Variants in ESRRG observed in about 807,000 individuals in gnomAD.
ESRRG encodes the protein estrogen related receptor gamma, also known as estrogen-related receptor gamma.
ESRRG carries 13 observed loss-of-function variants against 44.0 expected under a neutral mutation model. The ratio of observed to expected loss-of-function variants is 0.30; its 90% CI spans 0.19 to 0.47. The LOEUF is 0.47. Among genes scored for constraint, ESRRG ranks in the 20% least tolerant of loss-of-function variants. ESRRG has a pLI of 1.00. For missense variants in ESRRG, 395 were observed against 580.6 expected, an observed-to-expected ratio of 0.68 and a Z score of 3.29; for synonymous variants, 215 against 214.6, an observed-to-expected ratio of 1.00 and a Z score of -0.02.
intron 1 of ESRRG, among the ~76,000 whole-genome samples, chr1:216,988,725 G>T (rs2075248614): frequency 6.6e-6 from 1 of 152,176 alleles, no homozygotes; most frequent in Admixed American, 6.5e-5. Context: ...TCTTGAAGGA[G>T]TTATTCTAGA....
rs571725125 is a variant in ESRRG at position 217,075,594 on chromosome 1, C to CCCA, written c.-106+13912_-106+13913insTGG. ...CTCGCTTCAAATTGCTCCTTTCCCC[C>CCCA]CCCCAACATTAATTACTAGAGTCTA... On this transcript the variant is annotated intron_variant, in intron 1 of 7. Transcript: ENST00000359162. 7.6e-3 allele frequency among the ~76,000 whole-genome samples: 1,135 copies of CCCA among 148,648 alleles called. 16 individuals are homozygous for CCCA. Among genetic ancestry groups the CCCA allele is most frequent in the African/African-American group, 0.026 (1,076 of 40,992 alleles).
At chr1:217,027,101 G>A (rs905280815) in intron 1 of ESRRG, among the ~76,000 whole-genome samples, 1 of 152,044 alleles carries the variant, frequency 6.6e-6, no homozygotes, top group East Asian at 1.9e-4. Flanking sequence ...TAAATGTTCT[G>A]TGTCGATTTT....
intron 2 of ESRRG, among the ~76,000 whole-genome samples, chr1:216,830,502 G>C (rs977135578): frequency 6.6e-6 from 1 of 152,190 alleles, no homozygotes; most frequent in Non-Finnish European, 1.5e-5. Context: ...GGCTTGTCAG[G>C]TGTAAGCTTA....
intron 3 of ESRRG, among the ~76,000 whole-genome samples, chr1:216,643,059 G>A (rs768448484): frequency 6.6e-6 from 1 of 152,052 alleles, no homozygotes. Context: ...CTGCTGATAG[G>A]GTAAACTCAG....
At position 216,772,849 on chromosome 1, in the gene ESRRG, C is replaced by T. The variant is rs950888078; in HGVS notation, c.-13-95358G>A. 1.2e-4 allele frequency among the ~76,000 whole-genome samples: 15 copies of T among 130,154 alleles called. No individual in the cohort carries two copies. In the South Asian group the frequency reaches 3.6e-3, roughly 31 times the overall value. The allele number at this position is 130,154 out of a possible 152,430, so 85.4% of individuals were successfully genotyped here. A position where few individuals can be genotyped will look rare whatever the true frequency, so the allele number is the denominator to read the frequency against. ...CAGCTGCAAGTCAGGAGCACTAGCACATTTTTTTTTTTTTAATAAGCTGAT... is the reference window on the plus strand; with the variant it reads ...CAGCTGCAAGTCAGGAGCACTAGCATATTTTTTTTTTTTTAATAAGCTGAT... On this transcript the variant is annotated intron_variant, in intron 2 of 7. Coordinates refer to the ESRRG transcript ENST00000359162.
intron 1 of ESRRG, among the ~76,000 whole-genome samples, chr1:216,952,858 C>T (rs1004483334): frequency 6.6e-6 from 1 of 152,120 alleles, no homozygotes; most frequent in East Asian, 1.9e-4. Context: ...ATGGACACCA[C>T]CAAGAGTCAT....
rs1301530108 is a variant in ESRRG at position 216,983,690 on chromosome 1, G to GCA, written c.-105-44018_-105-44017insTG. On this transcript the variant is annotated intron_variant, in intron 1 of 7. Transcript: ENST00000359162. The stretch of plus-strand genomic sequence containing the variant: ...ATCCCTTTCGCGTGCATGTGCATGT[G>GCA]TGTGTGTGTGTGTGTGTGTGTGTGT... Among the ~76,000 whole-genome samples, 6 of 19,564 alleles carry GCA rather than the reference G, an allele frequency of 3.1e-4. No homozygotes were observed. In the African/African-American group the frequency reaches 6.7e-3, roughly 22 times the overall value. The allele number at this position is 19,564 out of a possible 152,430, so 12.8% of individuals were successfully genotyped here.
chr1:216,757,081 C>A (rs2092490004), intron 2 of ESRRG, among the ~76,000 whole-genome samples: 1 of 152,034 alleles, frequency 6.6e-6, no homozygotes, highest in Non-Finnish European at 1.5e-5. Context: ...GTCATTGCAA[C>A]TTTATGCAAT....
chr1:217,063,483 G>A (rs1465496312), intron 1 of ESRRG, among the ~76,000 whole-genome samples: 3 of 152,154 alleles, frequency 2.0e-5, no homozygotes, highest in Non-Finnish European at 4.4e-5. Context: ...GTGACCTTTA[G>A]TCTGTCCTCA....
Position 216,606,944 on chromosome 1 carries a change from A to G in ESRRG, c.590-38846T>C, listed in dbSNP as rs76931257. ...GAAAGGAAAAGATTTTCATCTGGTT[A>G]ACAGAGAAAGGTAATTTATCATTAG... On this transcript the variant is annotated intron_variant, in intron 3 of 6. Coordinates refer to ENST00000408911, the MANE Select transcript of ESRRG (RefSeq NM_001438.4). 4.0e-3 allele frequency among the ~76,000 whole-genome samples: 606 copies of G among 152,320 alleles called. 5 individuals are homozygous for G. The highest frequency in any genetic ancestry group is 7.4e-3 in the Non-Finnish European group (504 of 68,024).
intron 1 of ESRRG, among the ~76,000 whole-genome samples, chr1:216,975,225 T>A (rs1051897033): frequency 6.6e-6 from 1 of 152,240 alleles, no homozygotes; most frequent in East Asian, 1.9e-4. Flanking sequence ...GATTGCTTTA[T>A]CAGCCAAGGA....
chr1:216,771,450 G>T (rs188286282), intron 2 of ESRRG, among the ~76,000 whole-genome samples: 2 of 152,054 alleles, frequency 1.3e-5, no homozygotes, highest in Non-Finnish European at 2.9e-5. Flanking sequence ...GAAGAACCTC[G>T]CCCTAAGGGA....
At chr1:216,776,768 C>A (rs572467934) in intron 2 of ESRRG, among the ~76,000 whole-genome samples, 157 of 152,210 alleles carry the variant, frequency 1.0e-3, no homozygotes, top group African/African-American at 3.7e-3. Context: ...AATCTCAAGA[C>A]CCCCCAGTCC....
At chr1:216,711,194 C>T (rs1275948536) in intron 1 of ESRRG, among the ~76,000 whole-genome samples, 1 of 152,150 alleles carries the variant, frequency 6.6e-6, no homozygotes, top group Non-Finnish European at 1.5e-5. Context: ...TTGGCCACTG[C>T]AGGACAGCTC....
At chr1:216,789,238 A>G (rs1378015206) in intron 2 of ESRRG, among the ~76,000 whole-genome samples, 2 of 152,240 alleles carry the variant, frequency 1.3e-5, no homozygotes, top group African/African-American at 2.4e-5. Context: ...CAATGTGGCA[A>G]ACTTCATTGT....
chr1:216,700,173 C>G (rs78064283), intron 1 of ESRRG, among the ~76,000 whole-genome samples: 1 of 151,090 alleles, frequency 6.6e-6, no homozygotes, highest in African/African-American at 2.4e-5. Flanking sequence ...AACTATTAAG[C>G]GGGGAGTCTT....
intron 2 of ESRRG, among the ~76,000 whole-genome samples, chr1:216,731,610 T>C (rs2088791302): frequency 6.6e-6 from 1 of 152,220 alleles, no homozygotes. Context: ...TACACATTCA[T>C]ATGTATGTAT....
intron 2 of ESRRG, among the ~76,000 whole-genome samples, chr1:216,845,318 T>A (rs12745013): frequency 0.24 from 36,551 of 151,942 alleles, 4,464 homozygotes; most frequent in Admixed American, 0.3. Flanking sequence ...CCAGAGGGAG[T>A]CAAACGTGCA....
intron 5 of ESRRG, among the ~76,000 whole-genome samples, chr1:216,543,653 T>C (rs2053551048): frequency 6.6e-6 from 1 of 152,032 alleles, no homozygotes; most frequent in Non-Finnish European, 1.5e-5. Flanking sequence ...ACGAAAGCTA[T>C]GATTACATTT....
Sources: gnomAD v4.1 joint callset for allele counts (sites outside exome capture counted in the v4.1 genomes callset) on GRCh38, gnomAD v4.1.1 for gene constraint, MANE v1.5 for transcripts, NCBI Gene and HGNC (gene_info 2026-07-23, HGNC 2026-07-21) for gene names.